The following CRY1 variants were observed in gnomAD, a reference collection of about 807,000 sequenced individuals.
CRY1 encodes the protein cryptochrome-1.
CRY1 carries 45 observed loss-of-function variants against 76.0 expected under a neutral mutation model. The ratio of observed to expected loss-of-function variants is 0.59; its 90% CI spans 0.47 to 0.76. The LOEUF is 0.76. Among genes scored for constraint, CRY1 ranks in the 30% least tolerant of loss-of-function variants. The probability of loss-of-function intolerance (pLI) is 0.00; values close to 1 mark genes in which losing one functional copy is unlikely to be tolerated. For synonymous variants in CRY1, 248 were observed against 244.0 expected (o/e 1.02, Z -0.15); for missense variants, 587 against 716.4 (o/e 0.82, Z 2.06).
At chr12:107,066,245 T>TTTAAAC (rs1953108997) in intron 1 of CRY1, among the ~76,000 whole-genome samples, 1 of 152,208 alleles carries the variant, frequency 6.6e-6, no homozygotes, top group African/African-American at 2.4e-5. Flanking sequence ...TTTTTAAAAG[T>TTTAAAC]TTATCCTAAG....
At chr12:107,008,063 A>G (rs774527773) in intron 2 of CRY1, among the ~76,000 whole-genome samples, 36 of 152,204 alleles carry the variant, frequency 2.4e-4, no homozygotes, top group Non-Finnish European at 4.7e-4. Flanking sequence ...AAACAGATTT[A>G]CCTACTCAAT....
At chr12:107,002,136 G>A (rs1032542016) in intron 3 of CRY1, among the ~76,000 whole-genome samples, 188 bp from the exon 4 acceptor site, 1 of 152,066 alleles carries the variant, frequency 6.6e-6, no homozygotes, top group African/African-American at 2.4e-5. Context: ...ATTCTCCTGA[G>A]CTTCTAGACA....
At chr12:107,004,699 T>TACA (rs1952350315) in intron 3 of CRY1, among the ~76,000 whole-genome samples, 1 of 152,118 alleles carries the variant, frequency 6.6e-6, no homozygotes, top group Non-Finnish European at 1.5e-5. Flanking sequence ...ATACATGAAA[T>TACA]AAGATAACAT....
At chr12:107,023,922 T>C (rs1156470408) in intron 1 of CRY1, among the ~76,000 whole-genome samples, 2 of 152,214 alleles carry the variant, frequency 1.3e-5, no homozygotes, top group African/African-American at 2.4e-5. Flanking sequence ...TATCTCCAAC[T>C]ATGAATAATT....
chr12:106,991,758 A>G lies in CRY1; in HGVS notation c.*244T>C, dbSNP rs960197265. On this transcript the variant is annotated 3_prime_UTR_variant, in exon 13 of 13. Coordinates refer to ENST00000008527, the MANE Select transcript of CRY1 (RefSeq NM_004075.5). ...ATCAAAAATATATCGATGGGTCTAT[A>G]CTAATTGTGACTGTTTATATTTACA... 5 of 152,598 alleles carry G rather than the reference A, an allele frequency of 3.3e-5. No individual in the cohort carries two copies. The highest frequency in any genetic ancestry group is 3.3e-4 in the Admixed American group (5 of 15,278). The allele number at this position is 152,598 out of a possible 1,614,324, so 9.5% of individuals were successfully genotyped here.
At position 107,077,455 on chromosome 12, in the gene CRY1, G is replaced by A. The variant is rs573523958; in HGVS notation, c.158+15349C>T. Among the ~76,000 whole-genome samples the A allele has an allele frequency of 1.5e-3, 231 of 152,184 alleles. 1 individual carries two copies. The highest frequency in any genetic ancestry group is 2.7e-3 in the Non-Finnish European group (184 of 68,010). ...AATGAAGGGAGAGAGATTTACCCAA[G>A]GTCAGTCCCACGGCCATTTAATAGG... is the stretch of plus-strand genomic sequence containing the variant. On this transcript the variant is annotated intron_variant, in intron 1 of 12. Transcript: ENST00000008527.
chr12:107,065,455 C>T (rs898970735), intron 1 of CRY1, among the ~76,000 whole-genome samples: 1 of 151,938 alleles, frequency 6.6e-6, no homozygotes, highest in African/African-American at 2.4e-5. Context: ...ATTAACCAAG[C>T]GTGGTGGTGC....
At chr12:107,025,678 T>C (rs189775985) in intron 1 of CRY1, among the ~76,000 whole-genome samples, 2 of 152,294 alleles carry the variant, frequency 1.3e-5, no homozygotes, top group Admixed American at 6.5e-5. Flanking sequence ...TGCCTTAAAA[T>C]AGATCTGCCT....
intron 1 of CRY1, among the ~76,000 whole-genome samples, chr12:107,022,433 A>G (rs1315727650): frequency 6.6e-6 from 1 of 152,070 alleles, no homozygotes; most frequent in East Asian, 1.9e-4. Context: ...AAAAGTGACT[A>G]TTAGCAAAAA....
intron 1 of CRY1, among the ~76,000 whole-genome samples, chr12:107,081,409 T>C (rs1415595678): frequency 1.3e-5 from 2 of 152,048 alleles, no homozygotes; most frequent in Non-Finnish European, 2.9e-5. Context: ...AAAGGCTCTT[T>C]CCCCAGATAC....
At chr12:107,070,908 G>C (rs1423352006) in intron 1 of CRY1, among the ~76,000 whole-genome samples, 1 of 148,480 alleles carries the variant, frequency 6.7e-6, no homozygotes, top group East Asian at 2.0e-4. Context: ...GTTTCACCGT[G>C]CTAACCAGGA....
intron 2 of CRY1, among the ~76,000 whole-genome samples, chr12:107,019,749 A>G (rs952686580): frequency 6.6e-6 from 1 of 152,040 alleles, no homozygotes; most frequent in African/African-American, 2.4e-5. Context: ...GCAACATAGC[A>G]AGACTACCAA....
intron 1 of CRY1, among the ~76,000 whole-genome samples, chr12:107,076,691 T>C (rs1173348181): frequency 2.0e-5 from 3 of 152,058 alleles, no homozygotes; most frequent in Non-Finnish European, 4.4e-5. Context: ...CTGATCTAAT[T>C]TGGATATGTG....
chr12:107,014,203 G>T (rs1952474176), intron 2 of CRY1, among the ~76,000 whole-genome samples: 1 of 152,220 alleles, frequency 6.6e-6, no homozygotes, highest in Non-Finnish European at 1.5e-5. Context: ...CTGCTGGTTG[G>T]CTGAGAAACT....
intron 3 of CRY1, among the ~76,000 whole-genome samples, chr12:107,004,806 CTGAGT>C (rs1952351581): frequency 6.6e-6 from 1 of 152,070 alleles, no homozygotes; most frequent in Non-Finnish European, 1.5e-5. Context: ...CCACAGGAGG[CTGAGT>C]TAAGAGTAGT....
intron 2 of CRY1, among the ~76,000 whole-genome samples, chr12:107,014,240 T>A (rs7316535): frequency 6.6e-6 from 1 of 151,984 alleles, no homozygotes; most frequent in Non-Finnish European, 1.5e-5. Flanking sequence ...CTAACCAGGT[T>A]ATCTGTAGAA....
At chr12:107,070,727 G>A (rs1252667050) in intron 1 of CRY1, among the ~76,000 whole-genome samples, 3 of 149,708 alleles carry the variant, frequency 2.0e-5, no homozygotes, top group African/African-American at 7.4e-5. Flanking sequence ...TTGAGATGGA[G>A]TCTCACTCTG....
At position 107,022,204 on chromosome 12, in the gene CRY1, A is replaced by G. The variant is rs776179929; in HGVS notation, c.159-12T>C. On this transcript the variant is annotated splice_polypyrimidine_tract_variant and intron_variant, in intron 1 of 12. Coordinates refer to ENST00000008527, the MANE Select transcript of CRY1 (RefSeq NM_004075.5). ...ACTGAAGCAAAAATCTAGAGAGAAG[A>G]AAGTATTATTTAAATTATTAAAAAA... 2.5e-5 allele frequency: 36 copies of G among 1,430,630 alleles called. 3 individuals are homozygous for G. The South Asian group carries it at 4.5e-4, about 18-fold the overall frequency. The allele number at this position is 1,430,630 out of a possible 1,614,324, so 88.6% of individuals were successfully genotyped here. A position where few individuals can be genotyped will look rare whatever the true frequency, so the allele number is the denominator to read the frequency against.
rs766679349 is a variant in CRY1, at chr12:106,999,548, T to G, written c.1137+3A>C. ...GGCATGCTATATCAGTTAGAACACTTACCTTCATTCCTTCTTCCCAACTAA... is the reference window on the plus strand; with the variant it reads ...GGCATGCTATATCAGTTAGAACACTGACCTTCATTCCTTCTTCCCAACTAA... On this transcript the variant is annotated splice_donor_region_variant and intron_variant, in intron 7 of 12. Coordinates refer to ENST00000008527, the MANE Select transcript of CRY1 (RefSeq NM_004075.5). The G allele has an allele frequency of 7.5e-6, 12 of 1,607,066 alleles. No individual in the cohort carries two copies. Among genetic ancestry groups the G allele is most frequent in the Middle Eastern group, 3.3e-4 (2 of 6,044 alleles).
Sources: gnomAD v4.1 joint callset for allele counts (sites outside exome capture counted in the v4.1 genomes callset) on GRCh38, gnomAD v4.1.1 for gene constraint, MANE v1.5 for transcripts, NCBI Gene and HGNC (gene_info 2026-07-23, HGNC 2026-07-21) for gene names.